Variants in CHD7 observed in about 807,000 individuals in gnomAD.
CHD7 encodes chromodomain helicase DNA binding protein 7, also known as ATP-dependent chromatin remodeler CHD7.
In CHD7, 24 loss-of-function variants were observed where a neutral mutation model predicts 307.3. The observed-to-expected ratio is 0.08, with a 90% confidence interval of 0.06 to 0.11. The LOEUF is 0.11. Ranked by LOEUF, CHD7 falls within the 10% of genes least tolerant of loss-of-function variation. The probability of loss-of-function intolerance (pLI) is 1.00; values close to 1 mark genes in which losing one functional copy is unlikely to be tolerated. For missense variants in CHD7, 3,106 were observed against 3,727.1 expected, an observed-to-expected ratio of 0.83 and a Z score of 4.34; for synonymous variants, 1,363 against 1,349.9, an observed-to-expected ratio of 1.01 and a Z score of -0.21.
intron 6 of CHD7, among the ~76,000 whole-genome samples, chr8:60,806,716 G>C (rs1812552617): frequency 6.6e-6 from 1 of 152,114 alleles, no homozygotes; most frequent in Admixed American, 6.5e-5. Context: ...TTAAAATATA[G>C]GTTTAGCTCG....
chr8:60,845,261 C>G lies in CHD7; in HGVS notation c.5062C>G (p.Pro1688Ala). Residue 1688 changes from proline to alanine, a missense_variant, in exon 23 of 38, where the codon CCT (proline) becomes GCT (alanine). By Grantham distance (27) the Pro-to-Ala change is conservative. Coordinates refer to ENST00000423902, the MANE Select transcript of CHD7 (RefSeq NM_017780.4). ...GATGGTGATTCTAGGTTTGTCAGCT[C>G]CTGTGCCAAGGGGAAGGAAGGGAAA... ...ALVNHSGLSAPVPRGRKGKKV... is the reference protein window; with the variant it reads ...ALVNHSGLSAAVPRGRKGKKV... The G allele has an allele frequency of 6.2e-7, 1 of 1,611,254 alleles. No individual in the cohort carries two copies. Among genetic ancestry groups the G allele is most frequent in the African/African-American group, 1.3e-5 (1 of 74,916 alleles).
chr8:60,743,576 T>A (rs1293319612), intron 2 of CHD7, among the ~76,000 whole-genome samples: 2 of 152,270 alleles, frequency 1.3e-5, no homozygotes, highest in Non-Finnish European at 2.9e-5. Context: ...TCTGTGATAC[T>A]TATTTTACTA....
chr8:60,844,086 T>A, intron 21 of CHD7, among the ~76,000 whole-genome samples: 1 of 152,202 alleles, frequency 6.6e-6, no homozygotes, highest in East Asian at 1.9e-4. Flanking sequence ...AAGACATGGC[T>A]CACATAGCAC....
chr8:60,827,777 G>A (rs543496247), intron 13 of CHD7, among the ~76,000 whole-genome samples: 21 of 151,574 alleles, frequency 1.4e-4, no homozygotes, highest in East Asian at 1.9e-4. Flanking sequence ...TTTACTGAGC[G>A]TATACTCTGC....
intron 1 of CHD7, among the ~76,000 whole-genome samples, chr8:60,721,208 A>G (rs532241564): frequency 6.6e-6 from 1 of 152,274 alleles, no homozygotes; most frequent in African/African-American, 2.4e-5. Context: ...GCCTTTAGGG[A>G]GGTAATTAAG....
chr8:60,744,000 A>G (rs1179966389), intron 2 of CHD7, among the ~76,000 whole-genome samples: 3 of 152,230 alleles, frequency 2.0e-5, no homozygotes, highest in Non-Finnish European at 2.9e-5. Flanking sequence ...TTTTGGGGAA[A>G]TAAGACTTGC....
chr8:60,748,126 G>A (rs1809425791), intron 2 of CHD7, among the ~76,000 whole-genome samples: 1 of 152,128 alleles, frequency 6.6e-6, no homozygotes, highest in South Asian at 2.1e-4. Context: ...GGAAGATGCA[G>A]GCAAGAATAT....
intron 3 of CHD7, 54 bp downstream of exon 3, chr8:60,781,484 C>T (rs1367830358): frequency 3.6e-5 from 53 of 1,475,212 alleles, no homozygotes; most frequent in Admixed American, 2.3e-4. Flanking sequence ...CAGAAATTAG[C>T]GCCAAATAGT....
At chr8:60,838,553 G>C (rs1047598322) in intron 19 of CHD7, among the ~76,000 whole-genome samples, 1 of 152,112 alleles carries the variant, frequency 6.6e-6, no homozygotes, top group Non-Finnish European at 1.5e-5. Flanking sequence ...TGCTCCGTTG[G>C]CATCTTCCTT....
chr8:60,837,971 T>C (rs1586419798), intron 18 of CHD7, 105 bp from the exon 19 acceptor site: 5 of 1,260,442 alleles, frequency 4.0e-6, no homozygotes, highest in Non-Finnish European at 5.4e-6. Flanking sequence ...TTTCCTTTGT[T>C]ATAATTTAGG....
intron 11 of CHD7, 97 bp from the exon 12 acceptor site, chr8:60,822,406 A>G: frequency 7.8e-6 from 9 of 1,148,266 alleles, no homozygotes; most frequent in Non-Finnish European, 1.1e-5. Flanking sequence ...GCCTTTGGGT[A>G]TGCATTTGTG....
chr8:60,762,533 C>T (rs1007619392), intron 2 of CHD7, among the ~76,000 whole-genome samples: 59 of 152,196 alleles, frequency 3.9e-4, no homozygotes, highest in African/African-American at 1.4e-3. Flanking sequence ...ACATGGGAAT[C>T]ATACTTGGAC....
Position 60,742,706 on chromosome 8 carries a change from G to C in CHD7, c.1274G>C (p.Gly425Ala). 1.2e-6 allele frequency: 2 copies of C among 1,612,812 alleles called. No homozygotes were observed. Among genetic ancestry groups the C allele is most frequent in the Non-Finnish European group, 1.7e-6 (2 of 1,178,874 alleles). Residue 425 changes from glycine (G) to alanine (A), a missense_variant, in exon 2 of 38, where the codon GGC becomes GCC. Gly to Ala is a moderately conservative substitution (Grantham distance 60, BLOSUM62 0). This residue lies in a region of CHD7 where 998 missense variants were observed against 1,004.5 expected (regional missense o/e 0.99). Coordinates refer to ENST00000423902, the MANE Select transcript of CHD7 (RefSeq NM_017780.4). ...PGSAGIPMEV[G>A]SYPNMPHPQP... ...AGTGCTGGGATACCAATGGAAGTTG[G>C]CAGTTATCCAAATATGCCCCATCCT...
intron 7 of CHD7, among the ~76,000 whole-genome samples, chr8:60,816,117 C>CTGTCTG (rs1563624933): frequency 2.1e-3 from 70 of 32,830 alleles, no homozygotes; most frequent in African/African-American, 8.2e-3. Flanking sequence ...CTGTCTGTCT[C>CTGTCTG]TCTCTCTCTC....
At position 60,837,029 on chromosome 8, in the gene CHD7, G is replaced by C; in HGVS notation, c.4185+17G>C. 1 of 1,581,274 alleles carries C rather than the reference G, an allele frequency of 6.3e-7. No individual in the cohort carries two copies. Among genetic ancestry groups the C allele is most frequent in the Non-Finnish European group, 8.6e-7 (1 of 1,157,720 alleles). Reference sequence around the variant, plus strand: ...GACCTCCAGGTAAATGCACAAGAAAGTCCTGATGCCTTTAAAAAGGAAGTC... The same window carrying C: ...GACCTCCAGGTAAATGCACAAGAAACTCCTGATGCCTTTAAAAAGGAAGTC... On this transcript the variant is annotated intron_variant, in intron 17 of 37. Coordinates refer to ENST00000423902, the MANE Select transcript of CHD7 (RefSeq NM_017780.4).
In CHD7 at chr8:60,853,438, A is replaced by T; in HGVS notation, c.6713A>T (p.Glu2238Val). The change falls in exon 31 of 38, where the codon GAA becomes GTA. Residue 2238 changes from glutamate to valine, a missense_variant. Glu to Val is a moderately radical substitution (Grantham distance 121). Coordinates refer to ENST00000423902, the MANE Select transcript of CHD7 (RefSeq NM_017780.4). ...GSKSISEKGS[E>V]EDEEEKLEDD... ...AAATCTATTTCAGAGAAAGGTTCCG[A>T]AGAGGATGAAGAGGAAAAGCTGGAG... The T allele has an allele frequency of 6.6e-7, 1 of 1,520,062 alleles. No homozygotes were observed. The highest frequency in any genetic ancestry group is 8.8e-7 in the Non-Finnish European group (1 of 1,137,564). 94.2% of individuals were successfully genotyped at this position (1,520,062 alleles called of 1,614,324 possible). A position where few individuals can be genotyped will look rare whatever the true frequency, so the allele number is the denominator to read the frequency against.
chr8:60,821,616 A>G (rs111956214), intron 9 of CHD7, among the ~76,000 whole-genome samples, 174 bp from the exon 10 acceptor site: 2 of 150,216 alleles, frequency 1.3e-5, no homozygotes, highest in African/African-American at 4.9e-5. Flanking sequence ...ATGTATAAAC[A>G]TATATATACA....
rs755898600 is a variant in CHD7, at chr8:60,781,405, A to C, written c.2071A>C (p.Lys691Gln). The C allele has an allele frequency of 1.2e-5, 18 of 1,530,188 alleles. No homozygotes were observed. Among genetic ancestry groups the C allele is most frequent in the Non-Finnish European group, 1.3e-5 (15 of 1,147,708 alleles). The allele number at this position is 1,530,188 out of a possible 1,614,324, so 94.8% of individuals were successfully genotyped here. A position where few individuals can be genotyped will look rare whatever the true frequency, so the allele number is the denominator to read the frequency against. The stretch of plus-strand genomic sequence containing the variant: ...AAAGAAAGCAAAAACTGCCACGCCA[A>C]AACCCAAATCCAGCAAAAAGTCAAG... ...KEKKAKTATPKPKSSKKSSNK... is the reference protein window; with the variant it reads ...KEKKAKTATPQPKSSKKSSNK... The change falls in exon 3 of 38, where the codon AAA (lysine) becomes CAA (glutamine). Residue 691 changes from lysine (K) to glutamine (Q), a missense_variant. Around this residue, in one of 10 missense-constraint regions of CHD7, gnomAD observed 998 missense variants for 1,004.5 expected, o/e 0.99. Transcript: ENST00000423902.
chr8:60,736,728 CAA>C (rs1303361413), intron 1 of CHD7, among the ~76,000 whole-genome samples: 1 of 152,134 alleles, frequency 6.6e-6, no homozygotes, highest in Non-Finnish European at 1.5e-5. Flanking sequence ...GGCTGTTTAT[CAA>C]AAAAGTTTCC....
Sources: allele counts gnomAD v4.1 joint callset (sites outside exome capture counted in the v4.1 genomes callset), GRCh38; gene constraint gnomAD v4.1.1; regional missense constraint gnomAD v4.1.1; transcripts MANE v1.5; gene names NCBI Gene and HGNC (gene_info 2026-07-23, HGNC 2026-07-21).